Variants in JMJD1C observed in about 807,000 individuals in gnomAD.
The protein encoded by JMJD1C is jumonji domain containing 1C.
A neutral mutation model predicts 245.3 loss-of-function variants in JMJD1C; 31 were observed. The observed-to-expected ratio is 0.13, with a 90% CI of 0.09 to 0.17. The LOEUF (loss-of-function observed/expected upper bound fraction) is 0.17, where lower values mean the gene tolerates loss of function less well. Ranked by LOEUF, JMJD1C falls within the 10% of genes least tolerant of loss-of-function variation. The pLI, the probability that JMJD1C is intolerant of heterozygous loss-of-function variation, is 1.00. For missense variants in JMJD1C, 2,691 were observed against 3,000.2 expected (o/e 0.90, Z 2.41); for synonymous variants, 1,057 against 1,017.4 (o/e 1.04, Z -0.74).
At chr10:63,202,658 C>T in intron 10 of JMJD1C, 1 of 985,436 alleles carries the variant, frequency 1.0e-6, no homozygotes, top group Non-Finnish European at 1.2e-6. Flanking sequence ...GCTTAATCCA[C>T]TAGAGAAACA....
intron 1 of JMJD1C, among the ~76,000 whole-genome samples, chr10:63,420,243 A>G (rs1950043798): frequency 6.6e-6 from 1 of 152,346 alleles, no homozygotes; most frequent in South Asian, 2.1e-4. Context: ...AAATAAGGTG[A>G]CATGAAGAAA....
chr10:63,242,859 A>C (rs557183518), intron 3 of JMJD1C, among the ~76,000 whole-genome samples: 19 of 152,174 alleles, frequency 1.2e-4, no homozygotes, highest in African/African-American at 4.3e-4. Flanking sequence ...AAAAATTTAG[A>C]GTACAAAGTG....
chr10:63,289,931 A>T (rs1305223064), intron 2 of JMJD1C, among the ~76,000 whole-genome samples: 1 of 152,082 alleles, frequency 6.6e-6, no homozygotes, highest in Non-Finnish European at 1.5e-5. Context: ...TTAAATATAT[A>T]ATAAAAGAGT....
At chr10:63,195,612 T>C (rs781534726) in intron 13 of JMJD1C, among the ~76,000 whole-genome samples, 38 of 152,240 alleles carry the variant, frequency 2.5e-4, no homozygotes, top group Non-Finnish European at 3.5e-4. Context: ...ATAGATAGTA[T>C]GGACAATAAC....
At chr10:63,181,483 C>T (rs1189028464) in intron 22 of JMJD1C, among the ~76,000 whole-genome samples, 4 of 152,100 alleles carry the variant, frequency 2.6e-5, no homozygotes, top group African/African-American at 9.7e-5. Context: ...CTAAAAGACA[C>T]ATGGCAGATG....
intron 1 of JMJD1C, among the ~76,000 whole-genome samples, chr10:63,518,458 G>T (rs1407252361): frequency 6.6e-6 from 1 of 152,152 alleles, no homozygotes; most frequent in Non-Finnish European, 1.5e-5. Context: ...AACTACACTA[G>T]AAGACTTAAA....
chr10:63,269,582 T>C (rs1856035151), intron 2 of JMJD1C, among the ~76,000 whole-genome samples: 1 of 152,232 alleles, frequency 6.6e-6, no homozygotes, highest in Non-Finnish European at 1.5e-5. Context: ...GGGCACGATT[T>C]ATTTATTAGT....
chr10:63,407,216 C>A (rs777651358), intron 1 of JMJD1C, among the ~76,000 whole-genome samples: 2 of 151,598 alleles, frequency 1.3e-5, no homozygotes, highest in South Asian at 2.1e-4. Flanking sequence ...CATTATGGTA[C>A]GAAAAAAAGG....
rs568537898 is a variant in JMJD1C at position 63,416,035 on chromosome 10, T to C, written c.169-35553A>G. Among the ~76,000 whole-genome samples, 25 of 152,282 alleles carry C rather than the reference T, an allele frequency of 1.6e-4. No individual in the cohort carries two copies. The South Asian group carries it at 4.8e-3, about 29-fold the overall frequency. On this transcript the variant is annotated intron_variant, in intron 1 of 25. Coordinates refer to ENST00000399262, the MANE Select transcript of JMJD1C (RefSeq NM_032776.3). ...GTCCTTCAGAGAAGAGGCTTTAAAG[T>C]GGATTCATGCAGTATCCTGCCCTTA... is the stretch of plus-strand genomic sequence containing the variant.
intron 2 of JMJD1C, among the ~76,000 whole-genome samples, chr10:63,274,182 A>G (rs1856576780): frequency 6.6e-6 from 1 of 152,260 alleles, no homozygotes; most frequent in African/African-American, 2.4e-5. Flanking sequence ...ATAATTCATT[A>G]AAGTATTTTT....
intron 2 of JMJD1C, among the ~76,000 whole-genome samples, chr10:63,299,888 T>G (rs72831024): frequency 0.012 from 1,639 of 131,224 alleles, 16 homozygotes; most frequent in Non-Finnish European, 0.021. Flanking sequence ...GAATTTTCAG[T>G]TTTTTTTTTT....
chr10:63,301,787 T>C (rs774743431), intron 2 of JMJD1C: 2 of 426,042 alleles, frequency 4.7e-6, no homozygotes, highest in South Asian at 3.4e-5. Context: ...CGGCACGTTC[T>C]GCATATGTAT....
intron 23 of JMJD1C, chr10:63,177,353 T>TA (rs1423968363): frequency 4.1e-6 from 1 of 241,924 alleles, no homozygotes; most frequent in Non-Finnish European, 8.0e-6. Context: ...TCAAAGAAAA[T>TA]AAAGATCCTA....
At chr10:63,282,101 G>A (rs1402796006) in intron 2 of JMJD1C, among the ~76,000 whole-genome samples, 1 of 151,808 alleles carries the variant, frequency 6.6e-6, no homozygotes, top group Non-Finnish European at 1.5e-5. Flanking sequence ...CACCTTTTTT[G>A]CACTGGTTTT....
At chr10:63,362,293 AT>A (rs1379341864) in intron 2 of JMJD1C, among the ~76,000 whole-genome samples, 1 of 151,822 alleles carries the variant, frequency 6.6e-6, no homozygotes, top group African/African-American at 2.4e-5. Context: ...AAATCAAGAA[AT>A]TCCTTTTAAT....
At chr10:63,268,693 A>G (rs1233089900) in intron 2 of JMJD1C, 1 of 983,954 alleles carries the variant, frequency 1.0e-6, no homozygotes, top group Admixed American at 6.2e-5. Flanking sequence ...AGTATCTTTA[A>G]ATCTCAGAAA....
rs1191109718 is a variant in JMJD1C at position 63,208,642 on chromosome 10, C to T, written c.3027G>A (p.Gln1009=). 15 of 1,613,964 alleles carry T rather than the reference C, an allele frequency of 9.3e-6. No individual in the cohort carries two copies. Among genetic ancestry groups the T allele is most frequent in the Admixed American group, 1.7e-5 (1 of 60,006 alleles). ...ATTTGTTTAACCTCTCTCCAGTCTC[C>T]TGGGGTGGCCTCTGTAACTGATTTA... ...PVLNQLQRPP[Q]ETGERLNKYK... The change falls in exon 10 of 26, where the codon CAG becomes CAA. Residue 1009 remains glutamine (Q), a synonymous_variant. Coordinates refer to ENST00000399262, the MANE Select transcript of JMJD1C (RefSeq NM_032776.3).
At chr10:63,415,532 T>G (rs568577214) in intron 1 of JMJD1C, among the ~76,000 whole-genome samples, 6 of 152,306 alleles carry the variant, frequency 3.9e-5, no homozygotes, top group Non-Finnish European at 8.8e-5. Flanking sequence ...AAATTTTAAT[T>G]TAGCATATTC....
chr10:63,474,856 T>TAA (rs35508893), intron 1 of JMJD1C, among the ~76,000 whole-genome samples: 21 of 144,628 alleles, frequency 1.5e-4, no homozygotes, highest in Admixed American at 2.0e-4. Context: ...CTCAAATTAT[T>TAA]AAAAAAAAAA....
Sources: allele counts gnomAD v4.1 joint callset (sites outside exome capture counted in the v4.1 genomes callset), GRCh38; gene constraint gnomAD v4.1.1; transcripts MANE v1.5; gene names NCBI Gene and HGNC (gene_info 2026-07-23, HGNC 2026-07-21).